The following CNTNAP5 variants were observed in gnomAD, a reference collection of about 807,000 sequenced individuals.
CNTNAP5 encodes contactin associated protein family member 5.
CNTNAP5 carries 72 observed loss-of-function variants against 150.2 expected under a neutral mutation model. The ratio of observed to expected loss-of-function variants is 0.48; its 90% CI spans 0.40 to 0.58. The LOEUF is 0.58. Ranked by LOEUF, CNTNAP5 falls within the 20% of genes least tolerant of loss-of-function variation. The probability of loss-of-function intolerance (pLI) is 0.00; values close to 1 mark genes in which losing one functional copy is unlikely to be tolerated. For synonymous variants in CNTNAP5, 672 were observed against 619.8 expected, an observed-to-expected ratio of 1.08 and a Z score of -1.25; for missense variants, 1,636 against 1,626.2, an observed-to-expected ratio of 1.01 and a Z score of -0.10.
chr2:124,257,315 C>T (rs1687338219), intron 3 of CNTNAP5, among the ~76,000 whole-genome samples: 1 of 152,224 alleles, frequency 6.6e-6, no homozygotes, highest in Non-Finnish European at 1.5e-5. Flanking sequence ...CTGAGCTCCT[C>T]TGCTAGGGTG....
At chr2:124,139,317 A>T (rs1684050156) in intron 1 of CNTNAP5, among the ~76,000 whole-genome samples, 2 of 152,040 alleles carry the variant, frequency 1.3e-5, no homozygotes, top group Admixed American at 6.6e-5. Flanking sequence ...GAGACAAAAA[A>T]GCTCTCAAGA....
chr2:124,193,776 T>A (rs1432310325), intron 1 of CNTNAP5, among the ~76,000 whole-genome samples: 1 of 152,160 alleles, frequency 6.6e-6, no homozygotes, highest in Non-Finnish European at 1.5e-5. Flanking sequence ...TCCTGTTAAA[T>A]CTTCTGAATT....
intron 1 of CNTNAP5, among the ~76,000 whole-genome samples, chr2:124,196,596 G>A (rs1490698720): frequency 6.6e-6 from 1 of 152,144 alleles, no homozygotes; most frequent in Admixed American, 6.5e-5. Flanking sequence ...GTATCATATG[G>A]AATGCTACCA....
chr2:124,780,659 C>T (rs1048989713), intron 17 of CNTNAP5, among the ~76,000 whole-genome samples: 4 of 152,188 alleles, frequency 2.6e-5, no homozygotes. Context: ...TTCAATAAGA[C>T]AGCCTTTTTT....
At chr2:124,645,202 A>T (rs1032796909) in intron 12 of CNTNAP5, among the ~76,000 whole-genome samples, 1 of 152,160 alleles carries the variant, frequency 6.6e-6, no homozygotes, top group African/African-American at 2.4e-5. Context: ...TTATAATATT[A>T]TTATCTTTAC....
At chr2:124,674,353 C>G (rs985484954) in intron 13 of CNTNAP5, among the ~76,000 whole-genome samples, 2 of 141,490 alleles carry the variant, frequency 1.4e-5, no homozygotes, top group Non-Finnish European at 3.1e-5. Flanking sequence ...CCCTCCCTCC[C>G]TTCTTCCCTC....
intron 5 of CNTNAP5, among the ~76,000 whole-genome samples, chr2:124,434,979 GTA>G (rs1692490971): frequency 6.6e-6 from 1 of 152,132 alleles, no homozygotes; most frequent in African/African-American, 2.4e-5. Context: ...ACAAGTTTAA[GTA>G]TATACACATA....
intron 3 of CNTNAP5, among the ~76,000 whole-genome samples, chr2:124,392,905 T>C (rs1441500383): frequency 1.3e-5 from 2 of 152,202 alleles, no homozygotes; most frequent in East Asian, 3.9e-4. Context: ...TCCTTAAATA[T>C]ATTCAGGCAT....
intron 14 of CNTNAP5, among the ~76,000 whole-genome samples, chr2:124,761,345 C>A (rs1680951496): frequency 6.6e-6 from 1 of 152,068 alleles, no homozygotes; most frequent in African/African-American, 2.4e-5. Context: ...CACAAATTCC[C>A]CTTGATGGTT....
intron 17 of CNTNAP5, among the ~76,000 whole-genome samples, chr2:124,781,754 CA>C (rs1681457800): frequency 6.6e-6 from 1 of 152,204 alleles, no homozygotes; most frequent in African/African-American, 2.4e-5. Flanking sequence ...CTATCAATGA[CA>C]GAGTCAGGTG....
intron 19 of CNTNAP5, among the ~76,000 whole-genome samples, chr2:124,833,934 CA>C (rs1359752135): frequency 5.3e-5 from 8 of 152,292 alleles, no homozygotes; most frequent in Admixed American, 3.9e-4. Flanking sequence ...TGCACATCAT[CA>C]CAGAGTTAGG....
At chr2:124,868,881 T>G (rs1041635898) in intron 20 of CNTNAP5, among the ~76,000 whole-genome samples, 1 of 152,078 alleles carries the variant, frequency 6.6e-6, no homozygotes, top group Non-Finnish European at 1.5e-5. Context: ...TAGCACCATA[T>G]GCATAGTCAG....
chr2:124,515,061 T>C (rs1694677612), intron 8 of CNTNAP5, among the ~76,000 whole-genome samples: 1 of 152,222 alleles, frequency 6.6e-6, no homozygotes, highest in African/African-American at 2.4e-5. Context: ...CAAAGCCAGA[T>C]GTTTTCCCTT....
intron 9 of CNTNAP5, among the ~76,000 whole-genome samples, chr2:124,526,375 C>G (rs1259516242): frequency 6.6e-6 from 1 of 152,174 alleles, no homozygotes; most frequent in Non-Finnish European, 1.5e-5. Context: ...TGCCTGTGAG[C>G]TGTTAACCAG....
At chr2:124,645,901 A>G (rs1230094094) in intron 12 of CNTNAP5, among the ~76,000 whole-genome samples, 1 of 152,122 alleles carries the variant, frequency 6.6e-6, no homozygotes, top group African/African-American at 2.4e-5. Context: ...CGGCAAGAGC[A>G]GGAGCAAGAG....
intron 3 of CNTNAP5, among the ~76,000 whole-genome samples, chr2:124,328,745 G>T (rs1689279531): frequency 6.6e-6 from 1 of 152,120 alleles, no homozygotes; most frequent in Non-Finnish European, 1.5e-5. Context: ...CAAAAGAAAG[G>T]CTTGGGAGGT....
At chr2:124,757,055 G>T (rs1278012895) in intron 14 of CNTNAP5, among the ~76,000 whole-genome samples, 1 of 152,112 alleles carries the variant, frequency 6.6e-6, no homozygotes, top group Non-Finnish European at 1.5e-5. Flanking sequence ...ACCAAACTTC[G>T]AGTGGAGTAA....
chr2:124,474,910 A>T, intron 7 of CNTNAP5, 28 bp downstream of exon 7: 2 of 1,579,166 alleles, frequency 1.3e-6, no homozygotes, highest in Non-Finnish European at 1.7e-6. Context: ...TTTTGTCTTG[A>T]TGGTTTCTAC....
intron 19 of CNTNAP5, among the ~76,000 whole-genome samples, chr2:124,853,082 G>A (rs1683189248): frequency 6.6e-6 from 1 of 152,200 alleles, no homozygotes; most frequent in South Asian, 2.1e-4. Context: ...AGAAGAGCCT[G>A]CTCTTTCAAA....
Sources: gnomAD v4.1 joint callset for allele counts (sites outside exome capture counted in the v4.1 genomes callset) on GRCh38, gnomAD v4.1.1 for gene constraint, MANE v1.5 for transcripts, NCBI Gene and HGNC (gene_info 2026-07-23, HGNC 2026-07-21) for gene names.